TTLL6: variants seen among roughly 807,000 people sequenced by gnomAD.
TTLL6 encodes tubulin tyrosine ligase like 6.
Under a neutral mutation model 96.4 loss-of-function variants are expected in TTLL6, and 75 were observed. The ratio of observed to expected loss-of-function variants is 0.78; its 90% CI spans 0.65 to 0.94. TTLL6 has a LOEUF of 0.94. Ranked by LOEUF, TTLL6 falls within the 40% of genes least tolerant of loss-of-function variation. The pLI is 0.00. For missense variants in TTLL6, 1,030 were observed against 1,093.0 expected (o/e 0.94, Z 0.81); for synonymous variants, 411 against 419.4 (o/e 0.98, Z 0.24).
chr17:48,785,862 C>A (rs1424041163), intron 12 of TTLL6, among the ~76,000 whole-genome samples: 1 of 152,192 alleles, frequency 6.6e-6, no homozygotes, highest in African/African-American at 2.4e-5. Flanking sequence ...CTGAAGCCCG[C>A]TCCCTAAATA....
At position 48,793,069 on chromosome 17, in the gene TTLL6, C is replaced by T. The variant is rs143890816; in HGVS notation, c.999-1466G>A. ...CTTGGTGTCTGCCCCAGAATCCTGC[C>T]AGGTTTTCAGGTTTCCTGTCTTCTC... On this transcript the variant is annotated intron_variant, in intron 8 of 15. Transcript: ENST00000393382. Among the ~76,000 whole-genome samples the T allele has an allele frequency of 5.9e-3, 893 of 152,292 alleles. 42 individuals carry two copies. Among genetic ancestry groups the T allele is most frequent in the Admixed American group, 0.053 (804 of 15,298 alleles).
rs765866629 is a variant in TTLL6 at position 48,791,460 on chromosome 17, T to C, written c.1142A>G (p.Asn381Ser). 1.9e-6 allele frequency: 3 copies of C among 1,614,096 alleles called. No homozygotes were observed. The highest frequency in any genetic ancestry group is 1.1e-5 in the South Asian group (1 of 91,070). Residue 381 changes from asparagine (N) to serine (S), a missense_variant, in exon 9 of 16, where the codon AAC (asparagine) becomes AGC (serine). Coordinates refer to ENST00000393382, the MANE Select transcript of TTLL6 (RefSeq NM_001130918.3). ...AAAGCAGGCGCTGTTGAGTGTGTGG[T>C]TGGGGAAGCAGGTGTGGTAGTTATG... ...IRHNYHTCFP[N>S]HTLNSACFEI...
In TTLL6 at chr17:48,817,029, C is replaced by T. The variant is rs2039678083; in HGVS notation, c.44G>A (p.Gly15Asp). ...LLHPSRRGPA[G>D]VVASWTSSPA... ...GCTGCTAGTCCAGCTTGCAACCACA[C>T]CTGCCGGCCCCCTCCTCGAAGGATG... Residue 15 changes from glycine to aspartate, a missense_variant, in exon 1 of 16, where the codon GGT becomes GAT. Transcript: ENST00000393382. 1 of 1,544,414 alleles carries T rather than the reference C, an allele frequency of 6.5e-7. No homozygotes were observed. Among genetic ancestry groups the T allele is most frequent in the African/African-American group, 1.4e-5 (1 of 72,876 alleles).
chr17:48,776,479 T>C (rs2038874733), intron 13 of TTLL6, among the ~76,000 whole-genome samples: 1 of 152,010 alleles, frequency 6.6e-6, no homozygotes, highest in Non-Finnish European at 1.5e-5. Flanking sequence ...AATTTAAGTC[T>C]CAAAATTCAA....
intron 13 of TTLL6, among the ~76,000 whole-genome samples, chr17:48,779,407 A>G (rs1317296278): frequency 6.6e-6 from 1 of 151,586 alleles, no homozygotes; most frequent in Non-Finnish European, 1.5e-5. Flanking sequence ...GTTGACAAAG[A>G]TATGGAGCTA....
intron 13 of TTLL6, 21 bp downstream of exon 13, chr17:48,784,902 A>G (rs1034568077): frequency 1.1e-5 from 17 of 1,605,144 alleles, no homozygotes; most frequent in African/African-American, 5.3e-5. Context: ...ACTCCCTCCC[A>G]GAGCTCGGCT....
At chr17:48,781,001 G>C (rs1013449477) in intron 13 of TTLL6, among the ~76,000 whole-genome samples, 2 of 151,758 alleles carry the variant, frequency 1.3e-5, no homozygotes, top group Non-Finnish European at 2.9e-5. Context: ...ATTATTTTGG[G>C]TATATACCCA....
chr17:48,769,348 C>T, intron 14 of TTLL6, 94 bp from the exon 15 acceptor site: 1 of 1,407,852 alleles, frequency 7.1e-7, no homozygotes, highest in Non-Finnish European at 9.5e-7. Flanking sequence ...GTCCCATGGC[C>T]TGTAACTGCC....
In TTLL6 at chr17:48,785,029, A is replaced by C. The variant is rs2039061202; in HGVS notation, c.1934T>G (p.Leu645Arg). 1 of 1,614,020 alleles carries C rather than the reference A, an allele frequency of 6.2e-7. No homozygotes were observed. The highest frequency in any genetic ancestry group is 8.5e-7 in the Non-Finnish European group (1 of 1,180,022). Reference sequence around the variant, plus strand: ...CGAGCTGCTGAGATTGATATTCCTCAGATCGGGTAGAGAACTGAAGGGCTT... The same window carrying C: ...CGAGCTGCTGAGATTGATATTCCTCCGATCGGGTAGAGAACTGAAGGGCTT... Reference protein sequence around the residue: ...SAKPFSSLPDLRNINLSSSKL... With the variant: ...SAKPFSSLPDRRNINLSSSKL... Residue 645 changes from leucine to arginine, a missense_variant, in exon 13 of 16, where the codon CTG becomes CGG. Leu to Arg is a moderately radical substitution (Grantham distance 102). Coordinates refer to ENST00000393382, the MANE Select transcript of TTLL6 (RefSeq NM_001130918.3).
chr17:48,765,500 G>C (rs1597952359), intron 15 of TTLL6: 1 of 152,044 alleles, frequency 6.6e-6, no homozygotes, highest in East Asian at 1.9e-4. Flanking sequence ...TTTATAGTCG[G>C]CTAGCAAAAA....
rs1323957439 is a variant in TTLL6 at position 48,810,846 on chromosome 17, T to C, written c.104-5855A>G. ...GTGTGTATATATATATATATATATA[T>C]ATATATATAGTATGTGTGTGTATAT... On this transcript the variant is annotated intron_variant, in intron 1 of 15. Transcript: ENST00000393382. 9.3e-3 allele frequency among the ~76,000 whole-genome samples: 1,091 copies of C among 117,532 alleles called. 3 individuals carry two copies. The highest frequency in any genetic ancestry group is 0.09 in the East Asian group (149 of 1,648). 77.1% of individuals were successfully genotyped at this position (117,532 alleles called of 152,430 possible). A position where few individuals can be genotyped will look rare whatever the true frequency, so the allele number is the denominator to read the frequency against.
rs755322132 is a variant in TTLL6, at chr17:48,803,903, G to A, written c.349C>T (p.Arg117Trp). ...TGTAGATGCTCACCACTCTCATACC[G>A]GCAGCTGGATAGATTGATCACCAAT... Reference protein sequence around the residue: ...KRLVINLSSCRYESVRRAAQQ... With the variant: ...KRLVINLSSCWYESVRRAAQQ... Residue 117 changes from arginine (R) to tryptophan (W), a missense_variant, in exon 3 of 16, where the codon CGG becomes TGG. By Grantham distance (101) the Arg-to-Trp change is moderately radical. Transcript: ENST00000393382. 6.4e-5 allele frequency: 100 copies of A among 1,551,892 alleles called. No homozygotes were observed. In the South Asian group the frequency reaches 9.6e-4, roughly 15 times the overall value.
At chr17:48,811,068 C>CTTTTTTTTTTTT (rs35618180) in intron 1 of TTLL6, among the ~76,000 whole-genome samples, 1 of 110,550 alleles carries the variant, frequency 9.0e-6, no homozygotes, top group African/African-American at 3.4e-5. Context: ...TATTATTTTT[C>CTTTTTTTTTTTT]TTTTTTTTTT....
intron 13 of TTLL6, among the ~76,000 whole-genome samples, chr17:48,772,683 A>G (rs1253572340): frequency 6.6e-6 from 1 of 150,928 alleles, no homozygotes; most frequent in Non-Finnish European, 1.5e-5. Flanking sequence ...GTGAGCCAAC[A>G]TTGCACCACT....
chr17:48,774,177 A>C (rs1246071484), intron 13 of TTLL6, among the ~76,000 whole-genome samples: 1 of 150,400 alleles, frequency 6.6e-6, no homozygotes, highest in Non-Finnish European at 1.5e-5. Context: ...AGAAATCAAT[A>C]AAATCAAAAA....
chr17:48,763,504 C>T (rs1464895785), intron 15 of TTLL6, among the ~76,000 whole-genome samples: 1 of 152,092 alleles, frequency 6.6e-6, no homozygotes, highest in Non-Finnish European at 1.5e-5. Flanking sequence ...CCTTAAAATC[C>T]TACAAAATGA....
chr17:48,812,982 C>G (rs2039616369), intron 1 of TTLL6, among the ~76,000 whole-genome samples: 1 of 152,204 alleles, frequency 6.6e-6, no homozygotes, highest in Non-Finnish European at 1.5e-5. Context: ...AAGTAGCAGA[C>G]ATTACACTAA....
In TTLL6 at chr17:48,798,562, G is replaced by A. The variant is rs538246678; in HGVS notation, c.768+1042C>T. 2.0e-5 allele frequency among the ~76,000 whole-genome samples: 3 copies of A among 151,908 alleles called. No individual in the cohort carries two copies. In the East Asian group the frequency reaches 5.9e-4, roughly 30 times the overall value. ...AGCCTGAGCAACAGAGTGAGGCTCTGTCTCAAAAAAAATAACAATTACAAA... is the reference window on the plus strand; with the variant it reads ...AGCCTGAGCAACAGAGTGAGGCTCTATCTCAAAAAAAATAACAATTACAAA... On this transcript the variant is annotated intron_variant, in intron 6 of 15. Coordinates refer to ENST00000393382, the MANE Select transcript of TTLL6 (RefSeq NM_001130918.3).
intron 13 of TTLL6, among the ~76,000 whole-genome samples, chr17:48,783,230 A>C (rs1007445501): frequency 6.6e-6 from 1 of 151,950 alleles, no homozygotes; most frequent in Admixed American, 6.6e-5. Flanking sequence ...CCTACTCTCT[A>C]CTGCACTTGG....
Sources: gnomAD v4.1 joint callset for allele counts (sites outside exome capture counted in the v4.1 genomes callset) on GRCh38, gnomAD v4.1.1 for gene constraint, MANE v1.5 for transcripts, NCBI Gene and HGNC (gene_info 2026-07-23, HGNC 2026-07-21) for gene names.